ANKRD27: variants seen among roughly 807,000 people sequenced by gnomAD.
ANKRD27 encodes the protein ankyrin repeat domain-containing protein 27.
ANKRD27 carries 112 observed loss-of-function variants against 129.7 expected under a neutral mutation model. The ratio of observed to expected loss-of-function variants is 0.86; its 90% CI spans 0.74 to 1.01. The LOEUF (loss-of-function observed/expected upper bound fraction) is 1.01, where lower values mean the gene tolerates loss of function less well. Ranked by LOEUF, ANKRD27 falls within the 50% of genes least tolerant of loss-of-function variation. The pLI is 0.00. For synonymous variants in ANKRD27, 516 were observed against 511.2 expected (o/e 1.01, Z -0.13); for missense variants, 1,258 against 1,300.5 (o/e 0.97, Z 0.50).
Position 32,622,489 on chromosome 19 carries a change from T to A in ANKRD27, c.1760A>T (p.Asn587Ile), listed in dbSNP as rs756467425. The A allele has an allele frequency of 3.7e-6, 6 of 1,610,360 alleles. No homozygotes were observed. Among genetic ancestry groups the A allele is most frequent in the Non-Finnish European group, 5.1e-6 (6 of 1,178,806 alleles). Residue 587 changes from asparagine (N) to isoleucine (I), a missense_variant, in exon 18 of 29, where the codon AAC (asparagine) becomes ATC (isoleucine). Coordinates refer to ENST00000306065, the MANE Select transcript of ANKRD27 (RefSeq NM_032139.3). The part of the protein sequence containing the change: ...YQGVIETLLQ[N>I]GASTEIQNRL... ...GTTCTGGATCTCGGTGGACGCTCCG[T>A]TCTGCAGCAATGTCTCTATGACGCC... is the stretch of plus-strand genomic sequence containing the variant.
At chr19:32,672,144 G>A (rs149890989) in intron 1 of ANKRD27, among the ~76,000 whole-genome samples, 1 of 152,222 alleles carries the variant, frequency 6.6e-6, no homozygotes, top group Non-Finnish European at 1.5e-5. Context: ...GGCCGTTCCC[G>A]CCCTTCCGGG....
At chr19:32,649,886 C>A (rs1400028130) in intron 2 of ANKRD27, 94 bp from the exon 3 acceptor site, 9 of 815,062 alleles carry the variant, frequency 1.1e-5, no homozygotes, top group African/African-American at 3.4e-5. Context: ...GCTGGACACA[C>A]AGCGGGACCT....
At chr19:32,630,212 G>A (rs1966968964) in intron 13 of ANKRD27, among the ~76,000 whole-genome samples, 1 of 152,210 alleles carries the variant, frequency 6.6e-6, no homozygotes, top group Admixed American at 6.5e-5. Flanking sequence ...CAAACCTGCA[G>A]AGCTCACCTG....
intron 12 of ANKRD27, chr19:32,636,277 C>A (rs1476624916): frequency 6.1e-6 from 1 of 163,812 alleles, no homozygotes; most frequent in Admixed American, 6.2e-5. Context: ...TTAGGGAGAC[C>A]CTAGGTGCTG....
At chr19:32,620,042 A>G (rs537648358) in intron 18 of ANKRD27, among the ~76,000 whole-genome samples, 223 of 152,188 alleles carry the variant, frequency 1.5e-3, no homozygotes, top group African/African-American at 5.2e-3. Flanking sequence ...CGCCACGGCA[A>G]TAGAACCCTC....
At chr19:32,639,984 C>T (rs915675898) in intron 11 of ANKRD27, among the ~76,000 whole-genome samples, 9 of 151,514 alleles carry the variant, frequency 5.9e-5, no homozygotes, top group Admixed American at 2.0e-4. Flanking sequence ...TTTTTTGAGA[C>T]GGAGTCTCGC....
intron 22 of ANKRD27, among the ~76,000 whole-genome samples, chr19:32,611,069 T>C (rs1425815817): frequency 6.6e-6 from 1 of 152,128 alleles, no homozygotes; most frequent in Non-Finnish European, 1.5e-5. Flanking sequence ...ATCACAGACA[T>C]GAAGCAGTTT....
At chr19:32,611,620 T>TC (rs886491909) in intron 22 of ANKRD27, among the ~76,000 whole-genome samples, 1 of 152,204 alleles carries the variant, frequency 6.6e-6, no homozygotes, top group Non-Finnish European at 1.5e-5. Context: ...TCACTCTTGT[T>TC]CCCCAGGCTA....
intron 18 of ANKRD27, among the ~76,000 whole-genome samples, chr19:32,620,064 T>A (rs1388899652): frequency 2.6e-5 from 4 of 151,700 alleles, no homozygotes; most frequent in African/African-American, 9.7e-5. Context: ...TCCCAAGACA[T>A]CCCAGCAGCC....
At chr19:32,647,504 G>A (rs1364079893) in intron 3 of ANKRD27, among the ~76,000 whole-genome samples, 1 of 152,072 alleles carries the variant, frequency 6.6e-6, no homozygotes, top group Non-Finnish European at 1.5e-5. Flanking sequence ...TGTTTTTCCC[G>A]GCATCCCCAT....
chr19:32,640,992 G>A (rs1319580728), intron 10 of ANKRD27, among the ~76,000 whole-genome samples: 7 of 151,968 alleles, frequency 4.6e-5, no homozygotes, highest in Non-Finnish European at 7.4e-5. Context: ...TCCGCCTCCC[G>A]GGTTCACGCC....
At chr19:32,621,335 T>C (rs1396236937) in intron 18 of ANKRD27, among the ~76,000 whole-genome samples, 1 of 151,960 alleles carries the variant, frequency 6.6e-6, no homozygotes, top group Non-Finnish European at 1.5e-5. Flanking sequence ...TCTAAAATCA[T>C]ATATTTTGGG....
rs893762343 is a variant in ANKRD27 at position 32,673,843 on chromosome 19, C to T, written c.-31+1228G>A. On this transcript the variant is annotated intron_variant, in intron 1 of 28. Coordinates refer to ENST00000306065, the MANE Select transcript of ANKRD27 (RefSeq NM_032139.3). The stretch of plus-strand genomic sequence containing the variant: ...ACCAGTCCTCATGCCAGGCTGATCT[C>T]GAAACGTAACAGCTACTGCTCAGCA... Among the ~76,000 whole-genome samples the T allele has an allele frequency of 2.6e-5, 4 of 152,098 alleles. No individual in the cohort carries two copies. The South Asian group carries it at 6.2e-4, about 24-fold the overall frequency.
chr19:32,642,282 A>C (rs1459859454), intron 9 of ANKRD27, 137 bp from the exon 10 acceptor site: 5 of 846,950 alleles, frequency 5.9e-6, no homozygotes, highest in South Asian at 3.5e-5. Flanking sequence ...GATACTGAGA[A>C]GTCATCTGAC....
intron 2 of ANKRD27, among the ~76,000 whole-genome samples, chr19:32,657,669 G>C (rs566198630): frequency 1.3e-5 from 2 of 151,514 alleles, no homozygotes; most frequent in African/African-American, 4.8e-5. Context: ...AGCTTGGCCT[G>C]GGCAAAATCA....
chr19:32,650,109 C>T (rs769351298), intron 2 of ANKRD27, among the ~76,000 whole-genome samples: 1 of 152,144 alleles, frequency 6.6e-6, no homozygotes, highest in Non-Finnish European at 1.5e-5. Context: ...CTGGGTCCCC[C>T]CCAGGCTAGT....
chr19:32,598,148 G>A lies in ANKRD27; in HGVS notation c.3150C>T (p.Ser1050=), dbSNP rs1437108566. The change falls in exon 29 of 29, where the codon TCC becomes TCT. Residue 1050 remains serine (S), a synonymous_variant. Transcript: ENST00000306065. ...STPQEVSASR[S] is the part of the protein sequence containing the mutation. The stretch of plus-strand genomic sequence containing the variant: ...GTTCAACAACTCCTCATTCCTGTTA[G>A]GACCGGGAAGCACTAACCTCTTGGG... 3 of 1,613,912 alleles carry A rather than the reference G, an allele frequency of 1.9e-6. No individual in the cohort carries two copies. The highest frequency in any genetic ancestry group is 2.2e-5 in the South Asian group (2 of 91,076).
chr19:32,657,580 G>A (rs376182967), intron 2 of ANKRD27, among the ~76,000 whole-genome samples: 1 of 151,098 alleles, frequency 6.6e-6, no homozygotes, highest in Admixed American at 6.6e-5. Flanking sequence ...TCGAGATTGC[G>A]CCACTGCACT....
chr19:32,624,471 G>A (rs1187487411), intron 17 of ANKRD27, among the ~76,000 whole-genome samples: 1 of 152,144 alleles, frequency 6.6e-6, no homozygotes, highest in East Asian at 1.9e-4. Flanking sequence ...AAGCATACAG[G>A]GCATGGTGTC....
Sources: gnomAD v4.1 joint callset for allele counts (sites outside exome capture counted in the v4.1 genomes callset) on GRCh38, gnomAD v4.1.1 for gene constraint, MANE v1.5 for transcripts, NCBI Gene and HGNC (gene_info 2026-07-23, HGNC 2026-07-21) for gene names.